ANO3: variants seen among roughly 807,000 people sequenced by gnomAD.
ANO3 encodes the protein anoctamin 3.
ANO3 carries 99 observed loss-of-function variants against 144.8 expected under a neutral mutation model. The observed-to-expected ratio is 0.68, with a 90% CI of 0.58 to 0.81. The LOEUF (loss-of-function observed/expected upper bound fraction) is 0.81, where lower values mean the gene tolerates loss of function less well. ANO3 is among the 30% of genes least tolerant of loss of function. ANO3 has a pLI of 0.00. For synonymous variants in ANO3, 414 were observed against 392.6 expected, an observed-to-expected ratio of 1.05 and a Z score of -0.64; for missense variants, 905 against 1,202.2, an observed-to-expected ratio of 0.75 and a Z score of 3.66.
rs925870033 is a variant in ANO3 at position 26,523,138 on chromosome 11, C to T, written c.693-2497C>T. Among the ~76,000 whole-genome samples the T allele has an allele frequency of 3.3e-5, 5 of 152,110 alleles. No homozygotes were observed. In the East Asian group the frequency reaches 7.7e-4, roughly 24 times the overall value. On this transcript the variant is annotated intron_variant, in intron 6 of 26. Coordinates refer to ENST00000256737, the MANE Select transcript of ANO3 (RefSeq NM_031418.4). Reference sequence around the variant, plus strand: ...GAAATGAAGAAGGAACTTCCAAACACTTATAAAACCCTCAGATCTCGTGAG... The same window carrying T: ...GAAATGAAGAAGGAACTTCCAAACATTTATAAAACCCTCAGATCTCGTGAG...
At chr11:26,645,747 C>A (rs1853323621) in intron 23 of ANO3, among the ~76,000 whole-genome samples, 1 of 152,024 alleles carries the variant, frequency 6.6e-6, no homozygotes, top group African/African-American at 2.4e-5. Flanking sequence ...ATAGCTAATG[C>A]ATGCTGGGTT....
At chr11:26,227,850 T>C (rs535940486) in intron 1 of ANO3, among the ~76,000 whole-genome samples, 8 of 152,316 alleles carry the variant, frequency 5.3e-5, no homozygotes, top group Admixed American at 3.9e-4. Context: ...ATAAACACTT[T>C]TAACATAATT....
chr11:26,265,686 G>A (rs1302293593), intron 1 of ANO3, among the ~76,000 whole-genome samples: 1 of 152,222 alleles, frequency 6.6e-6, no homozygotes, highest in African/African-American at 2.4e-5. Flanking sequence ...CCCTTCGGCA[G>A]AGGTTAGTAA....
chr11:26,661,235 T>C lies in ANO3; in HGVS notation c.*791T>C, dbSNP rs1230710436. On this transcript the variant is annotated 3_prime_UTR_variant, in exon 27 of 27. Transcript: ENST00000256737. The stretch of plus-strand genomic sequence containing the variant: ...TAAACTATGAATGGCTATTCTTATA[T>C]AGTTTAGAACACAACTAATCCATAC... The C allele has an allele frequency of 6.6e-6, 1 of 152,604 alleles. No individual in the cohort carries two copies. The highest frequency in any genetic ancestry group is 1.5e-5 in the Non-Finnish European group (1 of 68,026). The allele number at this position is 152,604 out of a possible 1,614,324, so 9.5% of individuals were successfully genotyped here. A position where few individuals can be genotyped will look rare whatever the true frequency, so the allele number is the denominator to read the frequency against.
rs972696589 is a variant in ANO3 at position 26,193,210 on chromosome 11, C to G, written c.154+3880C>G. Among the ~76,000 whole-genome samples, 3 of 145,264 alleles carry G rather than the reference C, an allele frequency of 2.1e-5. No homozygotes were observed. In the East Asian group the frequency reaches 6.1e-4, roughly 29 times the overall value. On this transcript the variant is annotated intron_variant, in intron 1 of 27. Coordinates refer to the ANO3 transcript ENST00000672621. ...AGGCTGGAGTGCAATGGCGCCATCT[C>G]GGCTCACCGCAACCTCCACCTCCCG...
At chr11:26,532,415 T>A (rs1003455481) in intron 8 of ANO3, among the ~76,000 whole-genome samples, 1 of 152,166 alleles carries the variant, frequency 6.6e-6, no homozygotes, top group South Asian at 2.1e-4. Context: ...TCTTTTTTTT[T>A]AAACCCTGAA....
At chr11:26,266,350 A>G (rs1255423836) in intron 1 of ANO3, among the ~76,000 whole-genome samples, 1 of 152,110 alleles carries the variant, frequency 6.6e-6, no homozygotes, top group Non-Finnish European at 1.5e-5. Flanking sequence ...GGCACCTATT[A>G]TATGGCAAAC....
chr11:26,339,894 C>G (rs955826897), intron 1 of ANO3, among the ~76,000 whole-genome samples: 4 of 152,202 alleles, frequency 2.6e-5, no homozygotes, highest in Non-Finnish European at 5.9e-5. Flanking sequence ...CTTTAAATTC[C>G]GACTGGTTTC....
intron 1 of ANO3, among the ~76,000 whole-genome samples, chr11:26,347,508 A>G (rs1855526870): frequency 6.6e-6 from 1 of 152,220 alleles, no homozygotes; most frequent in Non-Finnish European, 1.5e-5. Flanking sequence ...TGGTAATCTC[A>G]GGAAGGAGTT....
At chr11:26,633,603 T>A (rs1177219999) in intron 18 of ANO3, among the ~76,000 whole-genome samples, 2 of 152,218 alleles carry the variant, frequency 1.3e-5, no homozygotes, top group Non-Finnish European at 2.9e-5. Flanking sequence ...TACTACTAAA[T>A]GATGATAGCA....
chr11:26,647,185 T>C (rs1425451627), intron 23 of ANO3, among the ~76,000 whole-genome samples: 1 of 152,184 alleles, frequency 6.6e-6, no homozygotes, highest in Non-Finnish European at 1.5e-5. Context: ...TGTATTTTCA[T>C]GATGCCAGAT....
intron 1 of ANO3, among the ~76,000 whole-genome samples, chr11:26,226,737 T>G (rs1255619366): frequency 6.6e-6 from 1 of 152,196 alleles, no homozygotes; most frequent in Non-Finnish European, 1.5e-5. Context: ...TGAGAACTCA[T>G]TTATTCATTA....
At chr11:26,243,072 G>C (rs1460488297) in intron 1 of ANO3, among the ~76,000 whole-genome samples, 4 of 152,036 alleles carry the variant, frequency 2.6e-5, no homozygotes, top group African/African-American at 9.7e-5. Context: ...TGCTTAACCA[G>C]CCACCCAAAT....
intron 3 of ANO3, 115 bp downstream of exon 3, chr11:26,443,951 A>G (rs1858618020): frequency 3.1e-6 from 2 of 635,912 alleles, no homozygotes; most frequent in Non-Finnish European, 5.4e-6. Flanking sequence ...TTGGTTTTTA[A>G]CGTAATAGGT....
Position 26,573,407 on chromosome 11 carries a change from T to A in ANO3, c.1447+13628T>A, listed in dbSNP as rs1850902393. Among the ~76,000 whole-genome samples, 2 of 152,162 alleles carry A rather than the reference T, an allele frequency of 1.3e-5. 1 individual carries two copies. Among genetic ancestry groups the A allele is most frequent in the South Asian group, 4.1e-4 (2 of 4,830 alleles). On this transcript the variant is annotated intron_variant, in intron 14 of 26. Coordinates refer to ENST00000256737, the MANE Select transcript of ANO3 (RefSeq NM_031418.4). ...GGTTAAATTTAATCAAACAGTTAGTTACTGAACAGTGGCTTAATAGAATTC... is the reference window on the plus strand; with the variant it reads ...GGTTAAATTTAATCAAACAGTTAGTAACTGAACAGTGGCTTAATAGAATTC...
intron 16 of ANO3, 131 bp from the exon 17 acceptor site, chr11:26,599,419 A>G: frequency 1.1e-6 from 1 of 947,376 alleles, no homozygotes; most frequent in Admixed American, 2.7e-5. Flanking sequence ...GAGAAAATTA[A>G]ATCTAGATAT....
At chr11:26,353,095 G>T (rs1189345812) in intron 1 of ANO3, among the ~76,000 whole-genome samples, 1 of 152,212 alleles carries the variant, frequency 6.6e-6, no homozygotes, top group Non-Finnish European at 1.5e-5. Context: ...GGGGTTTGGA[G>T]CGTCTGTCTT....
At chr11:26,395,516 G>C (rs893459469) in intron 1 of ANO3, among the ~76,000 whole-genome samples, 1 of 152,052 alleles carries the variant, frequency 6.6e-6, no homozygotes, top group East Asian at 1.9e-4. Flanking sequence ...TATATTCCTA[G>C]ATATCTTATT....
chr11:26,208,458 A>C (rs544806550), intron 1 of ANO3: 1 of 151,560 alleles, frequency 6.6e-6, no homozygotes, highest in South Asian at 2.1e-4. Context: ...GCTTGCAGTG[A>C]GCCAAGATCA....
Sources: allele counts gnomAD v4.1 joint callset (sites outside exome capture counted in the v4.1 genomes callset), GRCh38; gene constraint gnomAD v4.1.1; transcripts MANE v1.5; gene names NCBI Gene and HGNC (gene_info 2026-07-23, HGNC 2026-07-21).